Variants in GAB2 observed in about 807,000 individuals in gnomAD.
GAB2 encodes the protein GRB2 associated binding protein 2.
In GAB2, 26 loss-of-function variants were observed where a neutral mutation model predicts 65.5. That is an observed-to-expected ratio of 0.40 (90% CI 0.29 to 0.55). The LOEUF is 0.55. Among genes scored for constraint, GAB2 ranks in the 20% least tolerant of loss-of-function variants. GAB2 has a pLI of 0.53. For synonymous variants in GAB2, 321 were observed against 329.6 expected (o/e 0.97, Z 0.28); for missense variants, 884 against 875.8 (o/e 1.01, Z -0.12).
At chr11:78,404,115 A>C (rs879580465) in intron 1 of GAB2, among the ~76,000 whole-genome samples, 1 of 152,254 alleles carries the variant, frequency 6.6e-6, no homozygotes, top group Non-Finnish European at 1.5e-5. Flanking sequence ...CTATATATCC[A>C]AAAGAAAGGA....
intron 1 of GAB2, among the ~76,000 whole-genome samples, chr11:78,298,815 T>G (rs1427254516): frequency 6.6e-6 from 1 of 152,194 alleles, no homozygotes; most frequent in African/African-American, 2.4e-5. Context: ...GAATATAAAT[T>G]GTTTCCTTTC....
intron 1 of GAB2, among the ~76,000 whole-genome samples, chr11:78,333,205 A>C (rs544000084): frequency 6.6e-6 from 1 of 152,216 alleles, no homozygotes; most frequent in African/African-American, 2.4e-5. Flanking sequence ...ACACATACTG[A>C]TAAGTCCTTC....
chr11:78,247,633 C>T (rs141567616), intron 3 of GAB2, among the ~76,000 whole-genome samples: 213 of 152,280 alleles, frequency 1.4e-3, no homozygotes, highest in African/African-American at 5.0e-3. Flanking sequence ...CTGAATTTCA[C>T]TTCTTTCAAG....
intron 1 of GAB2, among the ~76,000 whole-genome samples, chr11:78,318,386 A>AAAAAAAAAAAAAAAAAAAAAAT (rs1855657644): frequency 2.0e-5 from 3 of 146,796 alleles, no homozygotes; most frequent in Admixed American, 6.9e-5. Context: ...AAAAAAAAAA[A>AAAAAAAAAAAAAAAAAAAAAAT]GCTGTGAAAA....
rs147985162 is a variant in GAB2 at position 78,352,215 on chromosome 11, A to G, written c.75+65431T>C. ...GCAACAGGACTGAGACTCCGTCTCA[A>G]ACAAACAAACAAAAACACACAACCA... is the stretch of plus-strand genomic sequence containing the variant. On this transcript the variant is annotated intron_variant, in intron 1 of 9. Coordinates refer to ENST00000361507, the MANE Select transcript of GAB2 (RefSeq NM_080491.3). 3.3e-5 allele frequency among the ~76,000 whole-genome samples: 5 copies of G among 152,328 alleles called. No individual in the cohort carries two copies. In the East Asian group the frequency reaches 9.6e-4, roughly 29 times the overall value.
chr11:78,336,314 G>GA (rs1010650367), intron 1 of GAB2, among the ~76,000 whole-genome samples: 1 of 104,956 alleles, frequency 9.5e-6, no homozygotes, highest in African/African-American at 3.7e-5. Context: ...GCGACAGAGC[G>GA]AGACTGTCTC....
chr11:78,378,307 T>A (rs1207571396), intron 1 of GAB2, among the ~76,000 whole-genome samples: 2 of 152,186 alleles, frequency 1.3e-5, no homozygotes, highest in African/African-American at 4.8e-5. Context: ...CTTGGGCCAT[T>A]AAAATATGAT....
chr11:78,321,459 A>G (rs920243415), intron 1 of GAB2, among the ~76,000 whole-genome samples: 3 of 152,136 alleles, frequency 2.0e-5, no homozygotes, highest in African/African-American at 7.2e-5. Flanking sequence ...AGCAGGAAAA[A>G]TTGCTCATGT....
chr11:78,342,936 A>C (rs1407011556), intron 1 of GAB2, among the ~76,000 whole-genome samples: 1 of 152,166 alleles, frequency 6.6e-6, no homozygotes, highest in Non-Finnish European at 1.5e-5. Flanking sequence ...CCAGTTTTAC[A>C]AATAAAAGAG....
intron 1 of GAB2, among the ~76,000 whole-genome samples, chr11:78,301,111 T>G (rs1466994852): frequency 6.6e-6 from 1 of 152,324 alleles, no homozygotes; most frequent in Non-Finnish European, 1.5e-5. Flanking sequence ...TTCACCATTT[T>G]AGAATTAATT....
At chr11:78,325,381 G>A (rs997098387) in intron 1 of GAB2, among the ~76,000 whole-genome samples, 5 of 152,186 alleles carry the variant, frequency 3.3e-5, no homozygotes, top group African/African-American at 1.2e-4. Context: ...AAAGTGATTT[G>A]CCTGAAGCCA....
intron 2 of GAB2, among the ~76,000 whole-genome samples, chr11:78,267,813 G>A (rs1029705232): frequency 7.8e-5 from 10 of 128,078 alleles, no homozygotes; most frequent in Non-Finnish European, 1.5e-4. Flanking sequence ...AGCCAACATC[G>A]CACCACTGCA....
intron 1 of GAB2, among the ~76,000 whole-genome samples, chr11:78,355,483 G>C (rs1856344540): frequency 6.6e-6 from 1 of 152,056 alleles, no homozygotes; most frequent in African/African-American, 2.4e-5. Flanking sequence ...TCAGTGTCAG[G>C]TCATCTTTAT....
chr11:78,310,589 G>T (rs962785873), intron 1 of GAB2, among the ~76,000 whole-genome samples: 17 of 151,712 alleles, frequency 1.1e-4, no homozygotes, highest in African/African-American at 2.4e-5. Context: ...CCAGGCCCAA[G>T]AATGTGTGGT....
intron 1 of GAB2, among the ~76,000 whole-genome samples, chr11:78,402,468 C>T (rs551556856): frequency 3.5e-4 from 53 of 150,982 alleles, no homozygotes; most frequent in Non-Finnish European, 5.5e-4. Flanking sequence ...TCACTCTTGT[C>T]GCCCAGGCTG....
chr11:78,266,767 C>A (rs549354866), intron 2 of GAB2, among the ~76,000 whole-genome samples: 84 of 152,226 alleles, frequency 5.5e-4, no homozygotes, highest in African/African-American at 2.0e-3. Context: ...GCAGAGAGAA[C>A]AAAAACTGGA....
chr11:78,276,848 C>T (rs558814701), intron 2 of GAB2, among the ~76,000 whole-genome samples: 7 of 152,242 alleles, frequency 4.6e-5, no homozygotes, highest in South Asian at 2.1e-4. Flanking sequence ...GACGAAGTCT[C>T]GTTCTGTCGC....
At chr11:78,355,343 A>G in intron 1 of GAB2, among the ~76,000 whole-genome samples, 1 of 152,198 alleles carries the variant, frequency 6.6e-6, no homozygotes, top group East Asian at 1.9e-4. Flanking sequence ...ACCCAACTGT[A>G]ACCTTCTGTT....
At chr11:78,406,996 G>C (rs910117473) in intron 1 of GAB2, among the ~76,000 whole-genome samples, 2 of 152,114 alleles carry the variant, frequency 1.3e-5, no homozygotes, top group Non-Finnish European at 1.5e-5. Context: ...AGTGAGGACA[G>C]AGAAATAGAA....
Sources: allele counts gnomAD v4.1 joint callset (sites outside exome capture counted in the v4.1 genomes callset), GRCh38; gene constraint gnomAD v4.1.1; transcripts MANE v1.5; gene names NCBI Gene and HGNC (gene_info 2026-07-23, HGNC 2026-07-21).